Variants in GPC6 observed in about 807,000 individuals in gnomAD.
The protein encoded by GPC6 is glypican-6.
GPC6 carries 14 observed loss-of-function variants against 55.2 expected under a neutral mutation model. That is an observed-to-expected ratio of 0.25 (90% confidence interval 0.17 to 0.40). GPC6 has a LOEUF of 0.40. Among genes scored for constraint, GPC6 ranks in the 10% least tolerant of loss-of-function variants. The pLI, the probability that GPC6 is intolerant of heterozygous loss-of-function variation, is 1.00. For synonymous variants in GPC6, 278 were observed against 259.6 expected, an observed-to-expected ratio of 1.07 and a Z score of -0.68; for missense variants, 641 against 708.5, an observed-to-expected ratio of 0.90 and a Z score of 1.08.
intron 2 of GPC6, among the ~76,000 whole-genome samples, chr13:93,620,709 G>C (rs4523817): frequency 0.34 from 51,287 of 151,902 alleles, 8,879 homozygotes; most frequent in Non-Finnish European, 0.38. Context: ...GTGGTTTTCT[G>C]AGCAACTGTT....
At chr13:93,219,511 A>G in the GPC6 span, among the ~76,000 whole-genome samples, 1 of 151,768 alleles carries the variant, frequency 6.6e-6, no homozygotes, top group Non-Finnish European at 1.5e-5. Flanking sequence ...CTTATGGTAT[A>G]ACAAGAAAAC....
chr13:93,350,202 A>G (rs982099005), intron 1 of GPC6, among the ~76,000 whole-genome samples: 5 of 152,160 alleles, frequency 3.3e-5, no homozygotes, highest in Non-Finnish European at 7.3e-5. Flanking sequence ...TGGAAGGCTA[A>G]GGCGGGTGGA....
chr13:93,584,774 C>T (rs979349492), intron 2 of GPC6, among the ~76,000 whole-genome samples: 24 of 150,330 alleles, frequency 1.6e-4, no homozygotes, highest in African/African-American at 5.7e-4. Flanking sequence ...CTGCAACCTC[C>T]ACCTCCTGGG....
At chr13:93,352,554 G>A (rs1459389216) in intron 1 of GPC6, among the ~76,000 whole-genome samples, 2 of 152,066 alleles carry the variant, frequency 1.3e-5, no homozygotes, top group African/African-American at 2.4e-5. Context: ...GGATGTCTGG[G>A]GAAAAATCAT....
At chr13:93,455,892 T>C (rs1402975795) in intron 1 of GPC6, among the ~76,000 whole-genome samples, 1 of 152,240 alleles carries the variant, frequency 6.6e-6, no homozygotes, top group Non-Finnish European at 1.5e-5. Flanking sequence ...CGTCATGAAC[T>C]GCTGTTCATG....
intron 2 of GPC6, among the ~76,000 whole-genome samples, chr13:93,660,721 T>A (rs967528904): frequency 3.9e-5 from 6 of 152,216 alleles, no homozygotes; most frequent in African/African-American, 1.4e-4. Context: ...TGCTAAGGAA[T>A]AATATATATC....
intron 3 of GPC6, among the ~76,000 whole-genome samples, chr13:93,910,318 T>G (rs1288633144): frequency 6.6e-6 from 1 of 152,154 alleles, no homozygotes; most frequent in Non-Finnish European, 1.5e-5. Context: ...GAAGTCCCTT[T>G]GCTTTTCCTT....
chr13:93,241,428 T>G (rs1046120233), intron 1 of GPC6, among the ~76,000 whole-genome samples: 1 of 152,196 alleles, frequency 6.6e-6, no homozygotes, highest in Admixed American at 6.5e-5. Context: ...TGGTCTAGTC[T>G]CTTGGTAAAA....
At chr13:94,217,065 C>T (rs1007543577) in intron 4 of GPC6, among the ~76,000 whole-genome samples, 1 of 152,146 alleles carries the variant, frequency 6.6e-6, no homozygotes, top group African/African-American at 2.4e-5. Context: ...ATATTAAAGT[C>T]ACTCCATATA....
At chr13:93,835,678 G>A (rs1162783653) in intron 3 of GPC6, among the ~76,000 whole-genome samples, 1 of 152,080 alleles carries the variant, frequency 6.6e-6, no homozygotes, top group Non-Finnish European at 1.5e-5. Flanking sequence ...CTTGAACCCG[G>A]GAGGCAGAGG....
intron 2 of GPC6, among the ~76,000 whole-genome samples, chr13:93,582,874 G>A (rs73541554): frequency 0.043 from 6,602 of 152,238 alleles, 470 homozygotes; most frequent in African/African-American, 0.15. Context: ...TTCCAGAGAA[G>A]GCCCCAAGCT....
At chr13:93,959,410 G>A (rs748352248) in intron 3 of GPC6, among the ~76,000 whole-genome samples, 3 of 152,148 alleles carry the variant, frequency 2.0e-5, no homozygotes, top group Non-Finnish European at 4.4e-5. Flanking sequence ...TGATCTGCCT[G>A]TCTTGGCCTC....
chr13:93,737,899 T>C (rs968904407), intron 2 of GPC6, among the ~76,000 whole-genome samples: 1 of 152,068 alleles, frequency 6.6e-6, no homozygotes, highest in Non-Finnish European at 1.5e-5. Flanking sequence ...AGAAGTATGT[T>C]TTTAAAAGTA....
chr13:93,434,430 A>G (rs1330496), intron 1 of GPC6, among the ~76,000 whole-genome samples: 44,272 of 151,942 alleles, frequency 0.29, 6,846 homozygotes, highest in East Asian at 0.36. Context: ...GTCTCCCCCA[A>G]TTATATTGTG....
chr13:93,296,748 C>G (rs1878507061), intron 1 of GPC6, among the ~76,000 whole-genome samples: 1 of 152,174 alleles, frequency 6.6e-6, no homozygotes, highest in African/African-American at 2.4e-5. Flanking sequence ...CTGGGCCAAT[C>G]AAGTTCCCTT....
At position 94,398,471 on chromosome 13, in the gene GPC6, T is replaced by C. The variant is rs533105640; in HGVS notation, c.1295T>C (p.Leu432Ser). ...CWNGHSKARY[L>S]PEIMNDGLTN... Reference sequence around the variant, plus strand: ...TCTCACTCTCTGCCTTGCAGATACTTGCCTGAGATCATGAATGATGGGCTC... The same window carrying C: ...TCTCACTCTCTGCCTTGCAGATACTCGCCTGAGATCATGAATGATGGGCTC... Residue 432 changes from leucine (L) to serine (S), a missense_variant, in exon 8 of 9, where the codon TTG becomes TCG. Transcript: ENST00000377047. 1 of 1,612,576 alleles carries C rather than the reference T, an allele frequency of 6.2e-7. No individual in the cohort carries two copies. Among genetic ancestry groups the C allele is most frequent in the African/African-American group, 1.3e-5 (1 of 75,018 alleles).
chr13:93,843,011 C>T (rs920633132), intron 3 of GPC6, among the ~76,000 whole-genome samples: 1 of 149,984 alleles, frequency 6.7e-6, no homozygotes, highest in Non-Finnish European at 1.5e-5. Flanking sequence ...ATTATGTGTG[C>T]TGTTTGATAT....
chr13:93,308,882 G>A (rs553318576), intron 1 of GPC6, among the ~76,000 whole-genome samples: 9 of 152,110 alleles, frequency 5.9e-5, no homozygotes, highest in Non-Finnish European at 1.2e-4. Flanking sequence ...TATTTCAGTG[G>A]GAATACTGAT....
At chr13:93,228,583 C>G (rs1485758015) in intron 1 of GPC6, among the ~76,000 whole-genome samples, 1 of 152,186 alleles carries the variant, frequency 6.6e-6, no homozygotes, top group Non-Finnish European at 1.5e-5. Context: ...TAGCTCCAAC[C>G]GAATCCGAGC....
Sources: allele counts gnomAD v4.1 joint callset (sites outside exome capture counted in the v4.1 genomes callset), GRCh38; gene constraint gnomAD v4.1.1; transcripts MANE v1.5; gene names NCBI Gene and HGNC (gene_info 2026-07-23, HGNC 2026-07-21).